The following ZNF181 variants were observed in gnomAD, a reference collection of about 807,000 sequenced individuals.
The protein encoded by ZNF181 is zinc finger protein 181.
A neutral mutation model predicts 11.9 loss-of-function variants in ZNF181; 8 were observed. The observed-to-expected ratio is 0.67, with a 90% confidence interval of 0.39 to 1.21. The LOEUF (loss-of-function observed/expected upper bound fraction) is 1.21. Among genes scored for constraint, ZNF181 ranks in the 50% most tolerant of loss-of-function variants. The pLI is 0.01. For synonymous variants in ZNF181, 202 were observed against 221.1 expected (o/e 0.91, Z 0.77); for missense variants, 542 against 670.9 (o/e 0.81, Z 2.12).
rs1405460347 is a variant in ZNF181, at chr19:34,735,013, G to T, written c.-25G>T. ...GATAAGAGCCTGGAAAGAGGACTCT[G>T]TTGGCTGTTGGAAATTGCAGAGTAA... On this transcript the variant is annotated 5_prime_UTR_variant, in exon 1 of 4. Coordinates refer to ENST00000492450, the MANE Select transcript of ZNF181 (RefSeq NM_001029997.4). 1 of 1,575,882 alleles carries T rather than the reference G, an allele frequency of 6.3e-7. No individual in the cohort carries two copies. Among genetic ancestry groups the T allele is most frequent in the Non-Finnish European group, 8.6e-7 (1 of 1,160,064 alleles).
chr19:34,741,552 C>G lies in ZNF181; in HGVS notation c.1171C>G (p.His391Asp). ...ECGKAFCCSSHLTRHQRIHTM... is the reference protein window; with the variant it reads ...ECGKAFCCSSDLTRHQRIHTM... ...TGGGAAAGCTTTCTGCTGTAGCTCACACCTTACTCGACATCAAAGAATTCA... is the reference window on the plus strand; with the variant it reads ...TGGGAAAGCTTTCTGCTGTAGCTCAGACCTTACTCGACATCAAAGAATTCA... Residue 391 changes from histidine (H) to aspartate (D), a missense_variant, in exon 4 of 4, where the codon CAC becomes GAC. Physicochemically the swap from His to Asp is moderately conservative, Grantham distance 81 (BLOSUM62 -1). Coordinates refer to ENST00000492450, the MANE Select transcript of ZNF181 (RefSeq NM_001029997.4). 1 of 1,613,900 alleles carries G rather than the reference C, an allele frequency of 6.2e-7. No homozygotes were observed. Among genetic ancestry groups the G allele is most frequent in the Non-Finnish European group, 8.5e-7 (1 of 1,179,952 alleles).
intron 1 of ZNF181, among the ~76,000 whole-genome samples, chr19:34,736,795 A>G (rs1259922344): frequency 6.6e-6 from 1 of 152,228 alleles, no homozygotes; most frequent in Non-Finnish European, 1.5e-5. Flanking sequence ...AAGAAAGCAT[A>G]AGAAATTAAA....
At position 34,741,654 on chromosome 19, in the gene ZNF181, A is replaced by C; in HGVS notation, c.1273A>C (p.Ser425Arg). The C allele has an allele frequency of 6.2e-7, 1 of 1,613,814 alleles. No homozygotes were observed. Among genetic ancestry groups the C allele is most frequent in the South Asian group, 1.1e-5 (1 of 91,060 alleles). Reference sequence around the variant, plus strand: ...CCTCTCATTTCTTGTTCAGCATCAGAGTATTCATACTGAAGAAAAACCCTT... The same window carrying C: ...CCTCTCATTTCTTGTTCAGCATCAGCGTATTCATACTGAAGAAAAACCCTT... Reference protein sequence around the residue: ...SSLSFLVQHQSIHTEEKPFEC... With the variant: ...SSLSFLVQHQRIHTEEKPFEC... Residue 425 changes from serine to arginine, a missense_variant, in exon 4 of 4, where the codon AGT (serine) becomes CGT (arginine). Ser to Arg is a moderately radical substitution (Grantham distance 110). Coordinates refer to ENST00000492450, the MANE Select transcript of ZNF181 (RefSeq NM_001029997.4).
At chr19:34,739,370 G>A in intron 2 of ZNF181, 102 bp downstream of exon 2, 1 of 1,578,212 alleles carries the variant, frequency 6.3e-7, no homozygotes, top group Non-Finnish European at 8.6e-7. Flanking sequence ...TCTGTAGCAT[G>A]TTCCCAAGGA....
chr19:34,736,119 A>T (rs901938079), intron 1 of ZNF181: 3 of 702,854 alleles, frequency 4.3e-6, no homozygotes, highest in Non-Finnish European at 7.8e-6. Flanking sequence ...GATGCTTAGT[A>T]AGTAATTGTG....
chr19:34,740,542 A>G lies in ZNF181; in HGVS notation c.230-69A>G, dbSNP rs1266961840. 16 of 1,450,842 alleles carry G rather than the reference A, an allele frequency of 1.1e-5. No homozygotes were observed. The East Asian group carries it at 2.1e-4, about 19-fold the overall frequency. 89.9% of individuals were successfully genotyped at this position (1,450,842 alleles called of 1,614,324 possible). A position where few individuals can be genotyped will look rare whatever the true frequency, so the allele number is the denominator to read the frequency against. On this transcript the variant is annotated intron_variant, in intron 3 of 3. Coordinates refer to ENST00000492450, the MANE Select transcript of ZNF181 (RefSeq NM_001029997.4). Reference sequence around the variant, plus strand: ...TTCTAATCCAGTTCTCCTAATTCCAATTTAGAAGTTTCTTTTCAAATAGTT... The same window carrying G: ...TTCTAATCCAGTTCTCCTAATTCCAGTTTAGAAGTTTCTTTTCAAATAGTT...
chr19:34,739,082 T>TA (rs764258049), intron 1 of ZNF181, 66 bp from the exon 2 acceptor site: 24 of 1,600,984 alleles, frequency 1.5e-5, no homozygotes, highest in Non-Finnish European at 2.0e-5. Context: ...AGGCTAATTT[T>TA]ACCCTTTCTT....
In ZNF181 at chr19:34,742,587, G is replaced by C. The variant is rs1186202147; in HGVS notation, c.*490G>C. On this transcript the variant is annotated 3_prime_UTR_variant, in exon 4 of 4. Transcript: ENST00000492450. The stretch of plus-strand genomic sequence containing the variant: ...AGATTAATGGTAGAACAACCTGAAG[G>C]ATTTAGGAGTTATGTGTAAATCTTT... The C allele has an allele frequency of 6.6e-6, 1 of 152,428 alleles. No homozygotes were observed. Among genetic ancestry groups the C allele is most frequent in the Admixed American group, 6.5e-5 (1 of 15,302 alleles). 9.4% of individuals were successfully genotyped at this position (152,428 alleles called of 1,614,324 possible).
intron 1 of ZNF181, among the ~76,000 whole-genome samples, chr19:34,738,872 C>G (rs1167206895): frequency 6.6e-6 from 1 of 152,232 alleles, no homozygotes; most frequent in Non-Finnish European, 1.5e-5. Flanking sequence ...ATTTCTGTAA[C>G]TTTTAGCAAA....
intron 3 of ZNF181, among the ~76,000 whole-genome samples, chr19:34,740,283 A>G (rs1321179269): frequency 2.6e-5 from 4 of 152,246 alleles, no homozygotes; most frequent in Admixed American, 2.0e-4. Context: ...TCTTTCATAC[A>G]TGCATATAGG....
chr19:34,736,047 C>A, intron 1 of ZNF181: 1 of 692,844 alleles, frequency 1.4e-6, no homozygotes, highest in Non-Finnish European at 2.6e-6. Context: ...TGGGAGGAAT[C>A]TTTTTTCTTT....
intron 3 of ZNF181, among the ~76,000 whole-genome samples, chr19:34,740,232 T>TTGTTGCCATTC (rs2068949124): frequency 6.6e-6 from 1 of 152,228 alleles, no homozygotes. Context: ...AAATTGAGAT[T>TTGTTGCCATTC]AATTGAATGT....
intron 1 of ZNF181, among the ~76,000 whole-genome samples, chr19:34,736,412 GA>G (rs749501822): frequency 2.6e-5 from 4 of 152,162 alleles, no homozygotes; most frequent in African/African-American, 7.2e-5. Flanking sequence ...GGCAGAGCAA[GA>G]AAAAAGTAAC....
In ZNF181 at chr19:34,742,237, TTATACTG is replaced by T; in HGVS notation, c.*143_*149del. On this transcript the variant is annotated 3_prime_UTR_variant, in exon 4 of 4. Coordinates refer to ENST00000492450, the MANE Select transcript of ZNF181 (RefSeq NM_001029997.4). ...TGCAGGCCAGTTTGTTTATTAGACT[TTATACTG>T]TAGAGAAATCATATGAAGACCATAA... is the stretch of plus-strand genomic sequence containing the variant. The T allele has an allele frequency of 2.5e-6, 2 of 784,790 alleles. No homozygotes were observed. The highest frequency in any genetic ancestry group is 2.5e-5 in the East Asian group (1 of 39,318). 48.6% of individuals were successfully genotyped at this position (784,790 alleles called of 1,614,324 possible). A position where few individuals can be genotyped will look rare whatever the true frequency, so the allele number is the denominator to read the frequency against.
At chr19:34,738,884 TTAACTC>T (rs1228125783) in intron 1 of ZNF181, among the ~76,000 whole-genome samples, 3 of 152,234 alleles carry the variant, frequency 2.0e-5, no homozygotes, top group Admixed American at 6.5e-5. Context: ...TTTAGCAAAA[TTAACTC>T]TACTGAAGCA....
In ZNF181 at chr19:34,739,146, A is replaced by T. The variant is rs1247909284; in HGVS notation, c.10-2A>T. On this transcript the variant is annotated splice_acceptor_variant, in intron 1 of 3. Coordinates refer to ENST00000492450, the MANE Select transcript of ZNF181 (RefSeq NM_001029997.4). LOFTEE classifies it high-confidence loss of function. ...TGAGCCTAAATATGTTTGCTATTTCAGGTGACATTTAATGATGTGGCTATA... is the reference window on the plus strand; with the variant it reads ...TGAGCCTAAATATGTTTGCTATTTCTGGTGACATTTAATGATGTGGCTATA... The T allele has an allele frequency of 6.2e-7, 1 of 1,613,610 alleles. No homozygotes were observed.
rs2068960882 is a variant in ZNF181 at position 34,740,930 on chromosome 19, C to G, written c.549C>G (p.His183Gln). 6 of 1,613,546 alleles carry G rather than the reference C, an allele frequency of 3.7e-6. No individual in the cohort carries two copies. In the South Asian group the frequency reaches 6.6e-5, roughly 18 times the overall value. The change falls in exon 4 of 4, where the codon CAC becomes CAG. Residue 183 changes from histidine to glutamine, a missense_variant. Coordinates refer to ENST00000492450, the MANE Select transcript of ZNF181 (RefSeq NM_001029997.4). ...PQKISAEGNSHKYDILKKNLP... is the reference protein window; with the variant it reads ...PQKISAEGNSQKYDILKKNLP... ...AAATTTCTGCTGAAGGGAATTCACACAAATATGATATATTAAAGAAGAACT... is the reference window on the plus strand; with the variant it reads ...AAATTTCTGCTGAAGGGAATTCACAGAAATATGATATATTAAAGAAGAACT...
rs764718056 is a variant in ZNF181 at position 34,741,281 on chromosome 19, G to C, written c.900G>C (p.Lys300Asn). The C allele has an allele frequency of 4.3e-6, 7 of 1,613,912 alleles. No individual in the cohort carries two copies. Among genetic ancestry groups the C allele is most frequent in the Non-Finnish European group, 5.1e-6 (6 of 1,179,846 alleles). The change falls in exon 4 of 4, where the codon AAG becomes AAC. Residue 300 changes from lysine (K) to asparagine (N), a missense_variant. Transcript: ENST00000492450. ...EKPYKCIECGKAFSHVSSLTN... is the reference protein window; with the variant it reads ...EKPYKCIECGNAFSHVSSLTN... ...CTTACAAATGTATTGAATGTGGGAA[G>C]GCCTTTAGCCATGTCTCATCACTTA...
intron 1 of ZNF181, among the ~76,000 whole-genome samples, chr19:34,735,907 C>T (rs1376178863): frequency 6.6e-6 from 1 of 152,202 alleles, no homozygotes; most frequent in Admixed American, 6.5e-5. Context: ...TATTTGCAAT[C>T]GCAGTCACCT....
Sources: gnomAD v4.1 joint callset for allele counts (sites outside exome capture counted in the v4.1 genomes callset) on GRCh38, gnomAD v4.1.1 for gene constraint, MANE v1.5 for transcripts, NCBI Gene and HGNC (gene_info 2026-07-23, HGNC 2026-07-21) for gene names.